HDGFL3: variants seen among roughly 807,000 people sequenced by gnomAD.
HDGFL3 encodes HDGF like 3.
Under a neutral mutation model 27.6 loss-of-function variants are expected in HDGFL3, and 6 were observed. That is an observed-to-expected ratio of 0.22 (90% CI 0.12 to 0.43). The LOEUF is 0.43. Ranked by LOEUF, HDGFL3 falls within the 20% of genes least tolerant of loss-of-function variation. The probability of loss-of-function intolerance (pLI) is 1.00; values close to 1 mark genes in which losing one functional copy is unlikely to be tolerated. For missense variants in HDGFL3, 207 were observed against 250.1 expected (o/e 0.83, Z 1.16); for synonymous variants, 88 against 88.9 (o/e 0.99, Z 0.05).
chr15:83,181,422 C>T (rs1295370460), intron 1 of HDGFL3, among the ~76,000 whole-genome samples: 5 of 152,274 alleles, frequency 3.3e-5, no homozygotes, highest in Admixed American at 2.0e-4. Flanking sequence ...AAAAGTGAGG[C>T]ATTTCGATTT....
At chr15:83,146,213 G>A (rs1203270607) in intron 5 of HDGFL3, among the ~76,000 whole-genome samples, 1 of 152,028 alleles carries the variant, frequency 6.6e-6, no homozygotes, top group Non-Finnish European at 1.5e-5. Context: ...CACAACCACT[G>A]GGAGTAACTG....
chr15:83,153,178 T>C (rs1227423004), intron 4 of HDGFL3, among the ~76,000 whole-genome samples: 1 of 151,996 alleles, frequency 6.6e-6, no homozygotes, highest in East Asian at 1.9e-4. Flanking sequence ...TTTTTTGTAT[T>C]TTTAGTAGAG....
chr15:83,160,272 C>T (rs758547128), intron 2 of HDGFL3, among the ~76,000 whole-genome samples: 6 of 151,970 alleles, frequency 3.9e-5, no homozygotes, highest in Admixed American at 2.0e-4. Context: ...CTGCAACTTC[C>T]GACTCCCTGG....
At position 83,128,605 on chromosome 15, in the gene HDGFL3, C is replaced by T. The variant is rs184658025; in HGVS notation, c.*10665G>A. Reference sequence around the variant, plus strand: ...CCAGTTTTCTACCTTCGGCCCACACCGTTCCCAGACTCCTGTATTTCATTC... The same window carrying T: ...CCAGTTTTCTACCTTCGGCCCACACTGTTCCCAGACTCCTGTATTTCATTC... On this transcript the variant is annotated 3_prime_UTR_variant, in exon 6 of 6. Transcript: ENST00000299633. 3.0e-4 allele frequency: 45 copies of T among 152,244 alleles called. 1 individual carries two copies. The highest frequency in any genetic ancestry group is 2.6e-3 in the Admixed American group (39 of 15,288). The allele number at this position is 152,244 out of a possible 1,614,324, so 9.4% of individuals were successfully genotyped here. A position where few individuals can be genotyped will look rare whatever the true frequency, so the allele number is the denominator to read the frequency against.
At chr15:83,192,616 T>A (rs1567177131) in intron 1 of HDGFL3, among the ~76,000 whole-genome samples, 1 of 152,244 alleles carries the variant, frequency 6.6e-6, no homozygotes, top group Non-Finnish European at 1.5e-5. Context: ...ATTTTTTGGA[T>A]AATTTTTTCA....
At chr15:83,175,091 CAACCAT>C (rs1345404179) in intron 1 of HDGFL3, among the ~76,000 whole-genome samples, 1 of 152,212 alleles carries the variant, frequency 6.6e-6, no homozygotes, top group Non-Finnish European at 1.5e-5. Context: ...TGAAGATGGT[CAACCAT>C]AGTTGCCCAC....
intron 1 of HDGFL3, among the ~76,000 whole-genome samples, chr15:83,178,360 T>C (rs1162553101): frequency 6.6e-6 from 1 of 152,198 alleles, no homozygotes; most frequent in Non-Finnish European, 1.5e-5. Flanking sequence ...CTCTAAATAA[T>C]CTAAGTAGCA....
downstream of HDGFL3, among the ~76,000 whole-genome samples, chr15:83,124,164 G>A (rs1448652685): frequency 6.6e-6 from 1 of 152,130 alleles, no homozygotes; most frequent in Non-Finnish European, 1.5e-5. Flanking sequence ...GTGGGAAAGT[G>A]CTTATAATAT....
chr15:83,198,561 G>C (rs1188274231), intron 1 of HDGFL3, among the ~76,000 whole-genome samples: 1 of 152,144 alleles, frequency 6.6e-6, no homozygotes, highest in Non-Finnish European at 1.5e-5. Flanking sequence ...ATGAGGCTGG[G>C]TAATTTATAA....
chr15:83,182,928 T>C (rs1357705840), intron 1 of HDGFL3, among the ~76,000 whole-genome samples: 2 of 152,166 alleles, frequency 1.3e-5, no homozygotes, highest in African/African-American at 4.8e-5. Flanking sequence ...TTTAGCAAAA[T>C]GCTAACTATA....
chr15:83,158,010 A>G lies in HDGFL3; in HGVS notation c.193T>C (p.Tyr65His). The part of the protein sequence containing the change: ...AFLGPKDLFP[Y>H]KEYKDKFGKS... Reference sequence around the variant, plus strand: ...CCAAACTTGTCTTTGTACTCCTTATATGGAAAAAGGTCTTTGGGACCTAGA... The same window carrying G: ...CCAAACTTGTCTTTGTACTCCTTATGTGGAAAAAGGTCTTTGGGACCTAGA... Residue 65 changes from tyrosine to histidine, a missense_variant, in exon 3 of 6, where the codon TAT becomes CAT. Tyr to His is a moderately conservative substitution (Grantham distance 83). Coordinates refer to ENST00000299633, the MANE Select transcript of HDGFL3 (RefSeq NM_016073.4). 1 of 1,611,480 alleles carries G rather than the reference A, an allele frequency of 6.2e-7. No individual in the cohort carries two copies. Among genetic ancestry groups the G allele is most frequent in the Admixed American group, 1.7e-5 (1 of 59,760 alleles).
In HDGFL3 at chr15:83,113,244, C is replaced by A. The variant is rs146817131; in HGVS notation, c.*2465G>T. ...TCAGCCTGCTACTAGCAGTCCCCCC[C>A]ACTTAGTGCAGAACTTAACTGTGTG... On this transcript the variant is annotated 3_prime_UTR_variant, in exon 4 of 4. Transcript: ENST00000568294. 46 of 377,350 alleles carry A rather than the reference C, an allele frequency of 1.2e-4. 1 individual carries two copies. The highest frequency in any genetic ancestry group is 4.0e-4 in the South Asian group (15 of 37,538). 23.4% of individuals were successfully genotyped at this position (377,350 alleles called of 1,614,324 possible).
rs1314428861 is a variant in HDGFL3, at chr15:83,127,878, A to G, written c.*11392T>C. ...TAAGACTTCAGAATTCCACTACGCT[A>G]TGCTATACAGAACCAGGGAAACTGG... On this transcript the variant is annotated 3_prime_UTR_variant, in exon 6 of 6. Transcript: ENST00000299633. The G allele has an allele frequency of 1.4e-5, 3 of 210,150 alleles. No homozygotes were observed. The highest frequency in any genetic ancestry group is 2.8e-5 in the Non-Finnish European group (3 of 105,808). 13.0% of individuals were successfully genotyped at this position (210,150 alleles called of 1,614,324 possible).
At chr15:83,152,367 T>C (rs2036974383) in intron 4 of HDGFL3, among the ~76,000 whole-genome samples, 1 of 151,426 alleles carries the variant, frequency 6.6e-6, no homozygotes, top group Non-Finnish European at 1.5e-5. Flanking sequence ...TGAGATCAGC[T>C]TGGCCAACAT....
chr15:83,145,635 C>T (rs1034578415), intron 5 of HDGFL3, among the ~76,000 whole-genome samples: 1 of 152,026 alleles, frequency 6.6e-6, no homozygotes, highest in Non-Finnish European at 1.5e-5. Context: ...GTGTAAGCTA[C>T]TCCCCTCCTT....
chr15:83,142,703 CAATTA>C (rs1319694498), intron 5 of HDGFL3, among the ~76,000 whole-genome samples: 3 of 152,126 alleles, frequency 2.0e-5, no homozygotes, highest in Non-Finnish European at 4.4e-5. Context: ...CACCATTTTT[CAATTA>C]AATATCTGTA....
At chr15:83,118,229 G>A (rs903859584) in intron 3 of HDGFL3, among the ~76,000 whole-genome samples, 4 of 128,480 alleles carry the variant, frequency 3.1e-5, no homozygotes, top group Admixed American at 7.5e-5. Context: ...GTCTCTGTAC[G>A]TACACACACA....
At chr15:83,171,741 G>A (rs1238152743) in intron 1 of HDGFL3, among the ~76,000 whole-genome samples, 1 of 152,248 alleles carries the variant, frequency 6.6e-6, no homozygotes, top group Non-Finnish European at 1.5e-5. Flanking sequence ...GACTCCAAAA[G>A]GGGATGGGAG....
intron 2 of HDGFL3, among the ~76,000 whole-genome samples, chr15:83,161,305 G>A (rs1218962259): frequency 6.6e-6 from 1 of 152,132 alleles, no homozygotes; most frequent in African/African-American, 2.4e-5. Flanking sequence ...GAGTAGCTAG[G>A]ACTACAGCCA....
Sources: allele counts gnomAD v4.1 joint callset (sites outside exome capture counted in the v4.1 genomes callset), GRCh38; gene constraint gnomAD v4.1.1; transcripts MANE v1.5; gene names NCBI Gene and HGNC (gene_info 2026-07-23, HGNC 2026-07-21).